Variants in IL17RD observed in about 807,000 individuals in gnomAD.
IL17RD encodes interleukin 17 receptor D.
A neutral mutation model predicts 80.5 loss-of-function variants in IL17RD; 52 were observed. The observed-to-expected ratio is 0.65, with a 90% CI of 0.52 to 0.81. The LOEUF (loss-of-function observed/expected upper bound fraction) is 0.81. IL17RD is among the 40% of genes least tolerant of loss of function. The pLI is 0.00. For synonymous variants in IL17RD, 416 were observed against 391.8 expected (o/e 1.06, Z -0.73); for missense variants, 1,024 against 955.1 (o/e 1.07, Z -0.95).
chr3:57,165,241 C>A lies in IL17RD; in HGVS notation c.46G>T (p.Ala16Ser). 1 of 1,529,224 alleles carries A rather than the reference C, an allele frequency of 6.5e-7. No homozygotes were observed. Among genetic ancestry groups the A allele is most frequent in the Non-Finnish European group, 8.8e-7 (1 of 1,138,416 alleles). 94.7% of individuals were successfully genotyped at this position (1,529,224 alleles called of 1,614,324 possible). A position where few individuals can be genotyped will look rare whatever the true frequency, so the allele number is the denominator to read the frequency against. ...QLCSVFFTVN[A>S]CLNGSQLAVA... ...GCCAGCTGCGAGCCGTTGAGGCAGG[C>A]GTTGACCGTAAAGAAGACGGAGCAG... Residue 16 changes from alanine to serine, a missense_variant, in exon 1 of 13, where the codon GCC becomes TCC. Physicochemically the swap from Ala to Ser is moderately conservative, Grantham distance 99. Coordinates refer to ENST00000296318, the MANE Select transcript of IL17RD (RefSeq NM_017563.5).
At position 57,123,994 on chromosome 3, in the gene IL17RD, G is replaced by A. The variant is rs531300539; in HGVS notation, c.127-3681C>T. ...CGGGAGGCGGAGGTTGCAGTGAGCC[G>A]AGATCGCGCCATCGTACTCCATCCT... On this transcript the variant is annotated intron_variant, in intron 1 of 12. Coordinates refer to ENST00000296318, the MANE Select transcript of IL17RD (RefSeq NM_017563.5). 1.9e-3 allele frequency among the ~76,000 whole-genome samples: 283 copies of A among 152,254 alleles called. 3 individuals carry two copies. Among genetic ancestry groups the A allele is most frequent in the Non-Finnish European group, 2.8e-3 (189 of 68,010 alleles).
intron 1 of IL17RD, among the ~76,000 whole-genome samples, chr3:57,127,403 T>A (rs1312443100): frequency 2.0e-4 from 20 of 102,558 alleles, no homozygotes; most frequent in South Asian, 9.2e-4. Context: ...TAAATATATA[T>A]ATATATATAT....
intron 7 of IL17RD, among the ~76,000 whole-genome samples, chr3:57,105,480 C>T (rs149261520): frequency 0.063 from 8,652 of 136,346 alleles, 377 homozygotes; most frequent in African/African-American, 0.13. Context: ...GAGGCTGCAG[C>T]GAGCCAAGAT....
intron 8 of IL17RD, among the ~76,000 whole-genome samples, chr3:57,103,365 T>C (rs982993575): frequency 1.3e-5 from 2 of 152,198 alleles, no homozygotes; most frequent in Non-Finnish European, 2.9e-5. Flanking sequence ...AAACTCTAAG[T>C]TCATCATGTT....
intron 1 of IL17RD, among the ~76,000 whole-genome samples, chr3:57,132,513 T>C (rs924386810): frequency 2.0e-5 from 3 of 151,988 alleles, no homozygotes; most frequent in Non-Finnish European, 2.9e-5. Context: ...GGGAGGGAAG[T>C]GGTTGATGTA....
At chr3:57,139,538 G>C (rs1707791823) in intron 1 of IL17RD, among the ~76,000 whole-genome samples, 2 of 149,892 alleles carry the variant, frequency 1.3e-5, no homozygotes, top group South Asian at 4.2e-4. Flanking sequence ...TTTTGAGACG[G>C]GGTCTTGCTC....
At chr3:57,162,464 C>T (rs2060311921) in intron 1 of IL17RD, among the ~76,000 whole-genome samples, 2 of 152,216 alleles carry the variant, frequency 1.3e-5, no homozygotes, top group Admixed American at 1.3e-4. Context: ...GGGACCCAAA[C>T]ATGAATCAAA....
chr3:57,102,440 G>A, intron 10 of IL17RD, 39 bp downstream of exon 10: 1 of 1,195,436 alleles, frequency 8.4e-7, no homozygotes, highest in Non-Finnish European at 1.2e-6. Context: ...CCCCTGGCCT[G>A]CCCCTTGTTG....
At chr3:57,124,518 G>T (rs1359518474) in intron 1 of IL17RD, among the ~76,000 whole-genome samples, 1 of 97,618 alleles carries the variant, frequency 1.0e-5, no homozygotes, top group African/African-American at 3.5e-5. Flanking sequence ...TGGTTTTGTG[G>T]ATGGAGGAAG....
Position 57,096,289 on chromosome 3 carries a change from G to T in IL17RD, c.*104C>A. 1.3e-6 allele frequency: 1 copy of T among 788,546 alleles called. No homozygotes were observed. The highest frequency in any genetic ancestry group is 2.3e-6 in the Non-Finnish European group (1 of 437,786). The allele number at this position is 788,546 out of a possible 1,614,324, so 48.8% of individuals were successfully genotyped here. On this transcript the variant is annotated 3_prime_UTR_variant, in exon 13 of 13. Transcript: ENST00000296318. Reference sequence around the variant, plus strand: ...CCAGCATTTCACTCCAAATATCCTTGTATGAGACCTCAGCTCCAAGTGGGC... The same window carrying T: ...CCAGCATTTCACTCCAAATATCCTTTTATGAGACCTCAGCTCCAAGTGGGC...
intron 1 of IL17RD, among the ~76,000 whole-genome samples, chr3:57,127,383 A>AATATATATAAATAT (rs1559477359): frequency 3.3e-5 from 3 of 91,968 alleles, no homozygotes; most frequent in African/African-American, 1.3e-4. Flanking sequence ...TATATAAATA[A>AATATATATAAATAT]ATAAATAAAT....
rs373864768 is a variant in IL17RD, at chr3:57,127,371, T to A, written c.127-7058A>T. Among the ~76,000 whole-genome samples the A allele has an allele frequency of 9.8e-4, 90 of 91,684 alleles. 6 individuals carry two copies. The highest frequency in any genetic ancestry group is 9.1e-3 in the Middle Eastern group (2 of 220). 60.1% of individuals were successfully genotyped at this position (91,684 alleles called of 152,430 possible). A position where few individuals can be genotyped will look rare whatever the true frequency, so the allele number is the denominator to read the frequency against. Reference sequence around the variant, plus strand: ...ATAAATATATATAAATATAAATATATATATATAAATAAATAAATAAATAAA... The same window carrying A: ...ATAAATATATATAAATATAAATATAAATATATAAATAAATAAATAAATAAA... On this transcript the variant is annotated intron_variant, in intron 1 of 12. Transcript: ENST00000296318.
Position 57,097,854 on chromosome 3 carries a change from C to G in IL17RD, c.1849G>C (p.Asp617His). The change falls in exon 12 of 13, where the codon GAC (aspartate) becomes CAC (histidine). Residue 617 changes from aspartate (D) to histidine (H), a missense_variant. Transcript: ENST00000296318. ...CCATGCTGACTCTCGTGCTGGGAGT[C>G]GGCTGGTCCGGTTGCCCCAAGAACA... is the stretch of plus-strand genomic sequence containing the variant. The part of the protein sequence containing the change: ...AAVLGATGPA[D>H]SQHESQHGGL... The G allele has an allele frequency of 6.2e-7, 1 of 1,612,944 alleles. No homozygotes were observed. The highest frequency in any genetic ancestry group is 8.5e-7 in the Non-Finnish European group (1 of 1,179,514).
At chr3:57,164,845 G>A in intron 1 of IL17RD, 1 of 1,097,950 alleles carries the variant, frequency 9.1e-7, no homozygotes, top group Non-Finnish European at 1.1e-6. Flanking sequence ...CCCGGGCCAA[G>A]AACAAAGGGT....
At position 57,095,430 on chromosome 3, in the gene IL17RD, A is replaced by G. The variant is rs147169601; in HGVS notation, c.*963T>C. On this transcript the variant is annotated 3_prime_UTR_variant, in exon 13 of 13. Coordinates refer to ENST00000296318, the MANE Select transcript of IL17RD (RefSeq NM_017563.5). ...AACCAGTTCAGCAGATTAACTGGCC[A>G]TCACCTCCACACACTGCTGTATTTC... 316 of 152,356 alleles carry G rather than the reference A, an allele frequency of 2.1e-3. 2 individuals carry two copies. Among genetic ancestry groups the G allele is most frequent in the African/African-American group, 6.8e-3 (283 of 41,586 alleles). The allele number at this position is 152,356 out of a possible 1,614,324, so 9.4% of individuals were successfully genotyped here.
chr3:57,132,101 G>A (rs1033498523), intron 1 of IL17RD, among the ~76,000 whole-genome samples: 2 of 151,978 alleles, frequency 1.3e-5, no homozygotes, highest in Non-Finnish European at 2.9e-5. Flanking sequence ...CAGGGGGATC[G>A]CTTGAGCCAA....
At chr3:57,134,231 C>G (rs914704230) in intron 1 of IL17RD, 14 of 692,872 alleles carry the variant, frequency 2.0e-5, no homozygotes, top group Non-Finnish European at 2.4e-5. Flanking sequence ...CCAATGAAAT[C>G]GCCAATGCCA....
chr3:57,122,115 G>A (rs915072079), intron 1 of IL17RD, among the ~76,000 whole-genome samples: 1 of 152,192 alleles, frequency 6.6e-6, no homozygotes, highest in Admixed American at 6.5e-5. Flanking sequence ...TATATAGCAA[G>A]GGTGAAAGAG....
intron 1 of IL17RD, among the ~76,000 whole-genome samples, chr3:57,140,406 A>G (rs962742086): frequency 6.6e-6 from 1 of 152,202 alleles, no homozygotes; most frequent in African/African-American, 2.4e-5. Flanking sequence ...TCAAAGAGAA[A>G]TAAAAGTTCA....
Sources: allele counts gnomAD v4.1 joint callset (sites outside exome capture counted in the v4.1 genomes callset), GRCh38; gene constraint gnomAD v4.1.1; transcripts MANE v1.5; gene names NCBI Gene and HGNC (gene_info 2026-07-23, HGNC 2026-07-21).